SCFD2: variants seen among roughly 807,000 people sequenced by gnomAD.
SCFD2 encodes sec1 family domain-containing protein 2.
A neutral mutation model predicts 58.9 loss-of-function variants in SCFD2; 54 were observed. The ratio of observed to expected loss-of-function variants is 0.92; its 90% confidence interval spans 0.74 to 1.15. The LOEUF is 1.15. Among genes scored for constraint, SCFD2 ranks in the 50% most tolerant of loss-of-function variants. The pLI is 0.00. For synonymous variants in SCFD2, 321 were observed against 335.9 expected, an observed-to-expected ratio of 0.96 and a Z score of 0.49; for missense variants, 805 against 836.6, an observed-to-expected ratio of 0.96 and a Z score of 0.47.
chr4:53,265,630 T>A (rs1224346664), intron 4 of SCFD2: 1 of 152,186 alleles, frequency 6.6e-6, no homozygotes, highest in South Asian at 2.1e-4. Flanking sequence ...GTCAGTTGTT[T>A]CATTCTCTTT....
intron 2 of SCFD2, among the ~76,000 whole-genome samples, chr4:53,322,112 G>A (rs889228518): frequency 1.3e-5 from 2 of 152,156 alleles, no homozygotes; most frequent in African/African-American, 4.8e-5. Context: ...GGTAAAATAA[G>A]GCTAAGACCT....
intron 4 of SCFD2, among the ~76,000 whole-genome samples, chr4:53,183,317 C>T (rs1727635962): frequency 6.6e-6 from 1 of 152,130 alleles, no homozygotes; most frequent in Non-Finnish European, 1.5e-5. Context: ...GAATACTATG[C>T]AGCCATAAAA....
In SCFD2 at chr4:52,985,063, C is replaced by G. The variant is rs118075728; in HGVS notation, c.1562-64193G>C. On this transcript the variant is annotated intron_variant, in intron 5 of 8. Coordinates refer to ENST00000401642, the MANE Select transcript of SCFD2 (RefSeq NM_152540.4). ...GACATGGGTATTTAAAAACACAGTT[C>G]GCTCATTTAATTGGGAGCTGTACAG... Among the ~76,000 whole-genome samples, 152 of 152,190 alleles carry G rather than the reference C, an allele frequency of 1.0e-3. No homozygotes were observed. In the East Asian group the frequency reaches 0.027, roughly 27 times the overall value.
chr4:52,994,480 C>A (rs1721694376), intron 5 of SCFD2, among the ~76,000 whole-genome samples: 1 of 152,164 alleles, frequency 6.6e-6, no homozygotes. Context: ...GGGTGGACGG[C>A]AAGCCCCACT....
intron 5 of SCFD2, among the ~76,000 whole-genome samples, chr4:52,931,798 G>A (rs546846106): frequency 1.3e-5 from 2 of 152,344 alleles, no homozygotes; most frequent in South Asian, 2.1e-4. Flanking sequence ...GAGACCTGAT[G>A]GAGGCTGATC....
chr4:53,059,382 C>A (rs7664840), intron 5 of SCFD2, among the ~76,000 whole-genome samples: 7,880 of 152,150 alleles, frequency 0.052, 677 homozygotes, highest in African/African-American at 0.18. Context: ...TCAAAGCAAC[C>A]ATAAGAAGTA....
At chr4:52,970,288 C>T (rs1237192284) in intron 5 of SCFD2, among the ~76,000 whole-genome samples, 1 of 152,234 alleles carries the variant, frequency 6.6e-6, no homozygotes. Context: ...GGGTGACAGA[C>T]AGCACCTGGA....
At chr4:53,093,943 T>C (rs1223732111) in intron 5 of SCFD2, among the ~76,000 whole-genome samples, 1 of 152,088 alleles carries the variant, frequency 6.6e-6, no homozygotes, top group East Asian at 1.9e-4. Flanking sequence ...ACTATGTAAC[T>C]AAAAAATGAA....
intron 4 of SCFD2, among the ~76,000 whole-genome samples, chr4:53,222,818 C>T (rs1200095166): frequency 4.6e-5 from 7 of 152,172 alleles, no homozygotes; most frequent in African/African-American, 1.7e-4. Flanking sequence ...TGTGTCCTAT[C>T]TGGTTACTGT....
At chr4:52,918,122 G>T (rs1388356027) in intron 6 of SCFD2, among the ~76,000 whole-genome samples, 1 of 151,766 alleles carries the variant, frequency 6.6e-6, no homozygotes, top group African/African-American at 2.4e-5. Flanking sequence ...TCTGGAGACA[G>T]CATGGAGCTG....
At chr4:53,300,626 T>C (rs139077405) in intron 3 of SCFD2, among the ~76,000 whole-genome samples, 17,491 of 151,926 alleles carry the variant, frequency 0.12, 1,121 homozygotes, top group East Asian at 0.22. Context: ...AACTCTCCAC[T>C]CCAAATCAAC....
chr4:53,075,118 T>C (rs2148852683), intron 5 of SCFD2, among the ~76,000 whole-genome samples: 1 of 152,350 alleles, frequency 6.6e-6, no homozygotes, highest in East Asian at 1.9e-4. Context: ...CTGCTGCTGC[T>C]TCTACAACAG....
chr4:53,169,549 C>T (rs1727114717), intron 4 of SCFD2, among the ~76,000 whole-genome samples: 1 of 151,922 alleles, frequency 6.6e-6, no homozygotes, highest in South Asian at 2.1e-4. Flanking sequence ...ATTTCGTTTG[C>T]TTTGGATATA....
intron 5 of SCFD2, among the ~76,000 whole-genome samples, chr4:53,092,996 G>A (rs935563875): frequency 6.6e-6 from 1 of 152,130 alleles, no homozygotes. Flanking sequence ...AAGCAGAGAG[G>A]ACAGAAGAGT....
intron 4 of SCFD2, among the ~76,000 whole-genome samples, chr4:53,243,626 T>C (rs1222684242): frequency 2.6e-5 from 4 of 151,596 alleles, no homozygotes; most frequent in Non-Finnish European, 5.9e-5. Context: ...TCCATACATA[T>C]CAACTTTAAC....
chr4:52,879,358 C>CA (rs1718552366), intron 8 of SCFD2, among the ~76,000 whole-genome samples: 1 of 152,124 alleles, frequency 6.6e-6, no homozygotes, highest in Non-Finnish European at 1.5e-5. Flanking sequence ...TTAATGAAAA[C>CA]AAAAAATTGT....
intron 6 of SCFD2, among the ~76,000 whole-genome samples, chr4:52,909,013 AT>A (rs768383506): frequency 6.6e-6 from 1 of 151,878 alleles, no homozygotes; most frequent in Non-Finnish European, 1.5e-5. Flanking sequence ...CCAAGATGGA[AT>A]TTTTTTTTAA....
At chr4:52,907,646 G>A in intron 6 of SCFD2, 55 bp from the exon 7 acceptor site, 1 of 1,575,630 alleles carries the variant, frequency 6.3e-7, no homozygotes, top group Non-Finnish European at 8.7e-7. Flanking sequence ...CTGGAGAGAG[G>A]ACAGCTTTAT....
At chr4:53,327,930 A>ACAAT (rs1484350889) in intron 2 of SCFD2, among the ~76,000 whole-genome samples, 2 of 152,070 alleles carry the variant, frequency 1.3e-5, no homozygotes, top group East Asian at 3.9e-4. Flanking sequence ...GGAGATCGAG[A>ACAAT]CAATCCTGGC....
Sources: allele counts gnomAD v4.1 joint callset (sites outside exome capture counted in the v4.1 genomes callset), GRCh38; gene constraint gnomAD v4.1.1; transcripts MANE v1.5; gene names NCBI Gene and HGNC (gene_info 2026-07-23, HGNC 2026-07-21).